Variants in DDAH1 observed in about 807,000 individuals in gnomAD.
DDAH1 encodes the protein N(G),N(G)-dimethylarginine dimethylaminohydrolase 1.
In DDAH1, 19 loss-of-function variants were observed where a neutral mutation model predicts 28.8. That is an observed-to-expected ratio of 0.66 (90% CI 0.46 to 0.97). The LOEUF (loss-of-function observed/expected upper bound fraction) is 0.97, where lower values mean the gene tolerates loss of function less well. DDAH1 is among the 50% of genes least tolerant of loss of function. DDAH1 has a pLI of 0.00. For missense variants in DDAH1, 326 were observed against 375.9 expected (o/e 0.87, Z 1.10); for synonymous variants, 153 against 154.4 (o/e 0.99, Z 0.07).
chr1:85,536,382 G>A (rs1326752329), intron 1 of DDAH1, among the ~76,000 whole-genome samples: 17 of 151,530 alleles, frequency 1.1e-4, no homozygotes, highest in Non-Finnish European at 2.2e-4. Flanking sequence ...GTGAAACCCC[G>A]TCTCTACTAA....
chr1:85,567,468 C>T (rs12410190), intron 1 of DDAH1, among the ~76,000 whole-genome samples: 39 of 152,184 alleles, frequency 2.6e-4, no homozygotes, highest in Admixed American at 2.6e-3. Context: ...TGCTTGGTGC[C>T]ATCCATGTAA....
chr1:85,332,030 C>A (rs1346181680), intron 4 of DDAH1, among the ~76,000 whole-genome samples: 1 of 152,176 alleles, frequency 6.6e-6, no homozygotes, highest in Non-Finnish European at 1.5e-5. Context: ...AAATCCTAGT[C>A]ATAAGAGTCT....
chr1:85,549,154 G>C (rs190572924), intron 1 of DDAH1, among the ~76,000 whole-genome samples: 47 of 152,214 alleles, frequency 3.1e-4, no homozygotes, highest in African/African-American at 1.1e-3. Context: ...TTTCATAAAG[G>C]TTTTTAGTCA....
intron 1 of DDAH1, among the ~76,000 whole-genome samples, chr1:85,377,997 A>G (rs1312735637): frequency 6.6e-6 from 1 of 152,240 alleles, no homozygotes; most frequent in Non-Finnish European, 1.5e-5. Context: ...TGAATATTTT[A>G]TAAGTGACTT....
intron 1 of DDAH1, among the ~76,000 whole-genome samples, chr1:85,520,454 T>C (rs1401876226): frequency 2.0e-5 from 3 of 152,230 alleles, no homozygotes; most frequent in African/African-American, 7.2e-5. Context: ...TGTCATCTAT[T>C]GAACAGTTGC....
chr1:85,510,066 A>C (rs1406759258), intron 1 of DDAH1, among the ~76,000 whole-genome samples: 1 of 152,200 alleles, frequency 6.6e-6, no homozygotes, highest in Non-Finnish European at 1.5e-5. Flanking sequence ...CCAAGGTTGA[A>C]ATGAAGGAAA....
At chr1:85,532,003 T>C (rs1217051710) in intron 1 of DDAH1, among the ~76,000 whole-genome samples, 9 of 152,084 alleles carry the variant, frequency 5.9e-5, no homozygotes, top group Non-Finnish European at 1.3e-4. Flanking sequence ...AGGTAATCAT[T>C]ATTTGTAGGG....
At chr1:85,482,598 C>A (rs534116154) in intron 2 of DDAH1, 1 of 152,106 alleles carries the variant, frequency 6.6e-6, no homozygotes, top group Non-Finnish European at 1.5e-5. Flanking sequence ...CATCCCAGAC[C>A]CAATAAATGA....
intron 1 of DDAH1, among the ~76,000 whole-genome samples, chr1:85,525,213 A>G (rs1375198881): frequency 6.6e-6 from 1 of 152,028 alleles, no homozygotes; most frequent in Non-Finnish European, 1.5e-5. Context: ...CAAAATAATA[A>G]CTTGGAGTAG....
At chr1:85,359,012 G>C (rs1649643191) in intron 1 of DDAH1, among the ~76,000 whole-genome samples, 165 bp from the exon 2 acceptor site, 1 of 152,204 alleles carries the variant, frequency 6.6e-6, no homozygotes, top group Non-Finnish European at 1.5e-5. Flanking sequence ...GACCAGTCAT[G>C]ATCATTTGTA....
At chr1:85,511,103 A>T (rs1216894045) in intron 1 of DDAH1, among the ~76,000 whole-genome samples, 2 of 152,234 alleles carry the variant, frequency 1.3e-5, no homozygotes, top group African/African-American at 2.4e-5. Flanking sequence ...GTTGGAAGTA[A>T]AGTGCTCCTC....
At chr1:85,350,630 T>G in intron 3 of DDAH1, 96 bp from the exon 4 acceptor site, 1 of 1,386,106 alleles carries the variant, frequency 7.2e-7, no homozygotes, top group Non-Finnish European at 9.7e-7. Context: ...TCTTGAAGGC[T>G]GACAGGGACC....
At chr1:85,438,729 A>T (rs1038347902) in intron 1 of DDAH1, among the ~76,000 whole-genome samples, 2 of 152,254 alleles carry the variant, frequency 1.3e-5, no homozygotes, top group Admixed American at 6.5e-5. Context: ...GTTGTGCAGC[A>T]TTAAATAACC....
At chr1:85,397,937 T>C (rs1651887318) in intron 1 of DDAH1, among the ~76,000 whole-genome samples, 1 of 151,940 alleles carries the variant, frequency 6.6e-6, no homozygotes, top group South Asian at 2.1e-4. Context: ...GTTGAGGAGA[T>C]GCTGGTGCCA....
At chr1:85,392,831 C>T (rs1557571855) in intron 1 of DDAH1, among the ~76,000 whole-genome samples, 2 of 150,952 alleles carry the variant, frequency 1.3e-5, no homozygotes, top group Admixed American at 6.6e-5. Flanking sequence ...AGAAAATGAA[C>T]CCCTGATGAC....
rs994741595 is a variant in DDAH1, at chr1:85,320,939, T to G, written c.*513A>C. ...GAAAGACCTTGGGTTTTACCCAAGG[T>G]CAAGGTGGCTGTGATAGAAGAGCGA... is the stretch of plus-strand genomic sequence containing the variant. On this transcript the variant is annotated 3_prime_UTR_variant, in exon 6 of 6. Transcript: ENST00000284031. 1 of 151,644 alleles carries G rather than the reference T, an allele frequency of 6.6e-6. No individual in the cohort carries two copies. The highest frequency in any genetic ancestry group is 1.5e-5 in the Non-Finnish European group (1 of 68,028). The allele number at this position is 151,644 out of a possible 1,614,324, so 9.4% of individuals were successfully genotyped here.
At chr1:85,485,945 T>C (rs1656189831) in intron 2 of DDAH1, among the ~76,000 whole-genome samples, 1 of 152,214 alleles carries the variant, frequency 6.6e-6, no homozygotes, top group African/African-American at 2.4e-5. Context: ...TCAACCCCTT[T>C]AGCTTGGGAA....
intron 1 of DDAH1, among the ~76,000 whole-genome samples, chr1:85,365,069 T>G (rs1279787399): frequency 6.6e-6 from 1 of 152,190 alleles, no homozygotes; most frequent in East Asian, 1.9e-4. Flanking sequence ...TACTATGAAC[T>G]CATATTAACC....
chr1:85,376,324 T>C (rs1294216246), intron 1 of DDAH1, among the ~76,000 whole-genome samples: 1 of 152,206 alleles, frequency 6.6e-6, no homozygotes, highest in Non-Finnish European at 1.5e-5. Flanking sequence ...CTATTTACAC[T>C]ACCTGCCTGA....
Sources: gnomAD v4.1 joint callset for allele counts (sites outside exome capture counted in the v4.1 genomes callset) on GRCh38, gnomAD v4.1.1 for gene constraint, MANE v1.5 for transcripts, NCBI Gene and HGNC (gene_info 2026-07-23, HGNC 2026-07-21) for gene names.